The following KLHL12 variants were observed in gnomAD, a reference collection of about 807,000 sequenced individuals.
KLHL12 encodes kelch like family member 12, also known as kelch-like protein 12.
Under a neutral mutation model 60.8 loss-of-function variants are expected in KLHL12, and 17 were observed. The ratio of observed to expected loss-of-function variants is 0.28; its 90% CI spans 0.19 to 0.42. The LOEUF (loss-of-function observed/expected upper bound fraction) is 0.42, where lower values mean the gene tolerates loss of function less well. Among genes scored for constraint, KLHL12 ranks in the 10% least tolerant of loss-of-function variants. The pLI, the probability that KLHL12 is intolerant of heterozygous loss-of-function variation, is 1.00. For synonymous variants in KLHL12, 220 were observed against 250.9 expected, an observed-to-expected ratio of 0.88 and a Z score of 1.16; for missense variants, 468 against 722.3, an observed-to-expected ratio of 0.65 and a Z score of 4.04.
At chr1:202,900,807 T>C (rs1054645312) in intron 6 of KLHL12, among the ~76,000 whole-genome samples, 1 of 151,860 alleles carries the variant, frequency 6.6e-6, no homozygotes, top group African/African-American at 2.4e-5. Context: ...CAGGTTGCAG[T>C]GAGCAGAGAT....
In KLHL12 at chr1:202,909,683, T is replaced by C. The variant is rs1660297972; in HGVS notation, c.718-559A>G. On this transcript the variant is annotated intron_variant, in intron 5 of 11. Coordinates refer to ENST00000367261, the MANE Select transcript of KLHL12 (RefSeq NM_021633.4). This position sits in a 1 kb window ranked among gnomAD's most constrained non-coding sequence, Gnocchi z 4.1. ...CTCTCTGGCTCAGAAGACTGGCCTA[T>C]ATGAACTGTGTCAATAGGGCTTCCT... Among the ~76,000 whole-genome samples, 2 of 152,188 alleles carry C rather than the reference T, an allele frequency of 1.3e-5. No homozygotes were observed. Among genetic ancestry groups the C allele is most frequent in the Non-Finnish European group, 2.9e-5 (2 of 68,030 alleles).
intron 4 of KLHL12, among the ~76,000 whole-genome samples, chr1:202,913,134 A>G (rs1660415351): frequency 6.6e-6 from 1 of 152,126 alleles, no homozygotes; most frequent in East Asian, 1.9e-4. Flanking sequence ...GCACTATGCT[A>G]TTTGAGAAGA....
At chr1:202,920,000 T>C in intron 2 of KLHL12, 92 bp from the exon 3 acceptor site, 1 of 1,134,808 alleles carries the variant, frequency 8.8e-7, no homozygotes, top group Non-Finnish European at 1.3e-6. Context: ...ATGTTAATAA[T>C]ATTAATTGAA....
intron 3 of KLHL12, among the ~76,000 whole-genome samples, chr1:202,919,035 A>G (rs763518863): frequency 6.6e-6 from 1 of 152,208 alleles, no homozygotes; most frequent in Non-Finnish European, 1.5e-5. Context: ...GGATCACTCG[A>G]GCCCACGAGC....
intron 2 of KLHL12, among the ~76,000 whole-genome samples, chr1:202,924,501 C>T (rs907596200): frequency 3.9e-5 from 6 of 152,232 alleles, no homozygotes; most frequent in Admixed American, 2.0e-4. Context: ...ACCTGTAATG[C>T]CAGGTGTGGC....
At chr1:202,927,344 C>A (rs1289526468), upstream of KLHL12, 2 of 893,616 alleles carry the variant, frequency 2.2e-6, no homozygotes, top group African/African-American at 1.8e-5. Flanking sequence ...CCTGTCTGTA[C>A]CCTAGCGCGG....
chr1:202,920,368 G>GTTT (rs1660649914), intron 2 of KLHL12, among the ~76,000 whole-genome samples: 2 of 103,044 alleles, frequency 1.9e-5, no homozygotes, highest in South Asian at 2.8e-4. Context: ...TATTTTGTTG[G>GTTT]ATTTTTTTTT....
At chr1:202,900,330 G>A (rs935088232) in intron 6 of KLHL12, among the ~76,000 whole-genome samples, 17 of 150,612 alleles carry the variant, frequency 1.1e-4, no homozygotes, top group Admixed American at 6.7e-4. Flanking sequence ...GATTCCTTGC[G>A]CCCAGGGGTT....
chr1:202,905,043 T>G (rs1660140461), intron 6 of KLHL12, among the ~76,000 whole-genome samples: 1 of 152,184 alleles, frequency 6.6e-6, no homozygotes, highest in Non-Finnish European at 1.5e-5. Flanking sequence ...GAGGACATGA[T>G]GGTAAGAACA....
chr1:202,918,420 A>G, intron 3 of KLHL12, 32 bp from the exon 4 acceptor site: 1 of 1,529,258 alleles, frequency 6.5e-7, no homozygotes. Flanking sequence ...AACACTTTAG[A>G]ATAGTTGGAC....
chr1:202,904,513 CT>C (rs1660124059), intron 6 of KLHL12, among the ~76,000 whole-genome samples: 1 of 152,086 alleles, frequency 6.6e-6, no homozygotes, highest in African/African-American at 2.4e-5. Flanking sequence ...AACAATCTGA[CT>C]CGTGTAAAAA....
intron 6 of KLHL12, 87 bp downstream of exon 6, chr1:202,908,920 ACTT>A: frequency 1.2e-6 from 1 of 809,052 alleles, no homozygotes; most frequent in Non-Finnish European, 2.1e-6. Flanking sequence ...AGGTGTCTGT[ACTT>A]CTTATAGAGT....
intron 4 of KLHL12, chr1:202,911,666 G>C: frequency 2.2e-6 from 1 of 453,900 alleles, no homozygotes; most frequent in Non-Finnish European, 3.9e-6. Flanking sequence ...TGATCTCCAG[G>C]CTCACCCCTC....
At chr1:202,911,612 G>A (rs949924892) in intron 4 of KLHL12, among the ~76,000 whole-genome samples, 15 of 151,950 alleles carry the variant, frequency 9.9e-5, no homozygotes, top group African/African-American at 3.4e-4. Flanking sequence ...TGCCTTATTC[G>A]AAGTCAGCTC....
At position 202,895,400 on chromosome 1, in the gene KLHL12, T is replaced by A. The variant is rs1659801577; in HGVS notation, c.1135+122A>T. On this transcript the variant is annotated intron_variant, in intron 8 of 11. Transcript: ENST00000367261. This position sits in a 1 kb window ranked among gnomAD's most constrained non-coding sequence, Gnocchi z 4.2. Reference sequence around the variant, plus strand: ...CAGAGAGAGACCCTGTCTCAAATAATAATAACATTTGACCTTAATTTTTTC... The same window carrying A: ...CAGAGAGAGACCCTGTCTCAAATAAAAATAACATTTGACCTTAATTTTTTC... 3 of 832,762 alleles carry A rather than the reference T, an allele frequency of 3.6e-6. No homozygotes were observed. Among genetic ancestry groups the A allele is most frequent in the African/African-American group, 3.5e-5 (2 of 57,910 alleles). The allele number at this position is 832,762 out of a possible 1,614,324, so 51.6% of individuals were successfully genotyped here. A position where few individuals can be genotyped will look rare whatever the true frequency, so the allele number is the denominator to read the frequency against.
chr1:202,927,342 T>C (rs747535018), upstream of KLHL12: 1 of 888,566 alleles, frequency 1.1e-6, no homozygotes, highest in Non-Finnish European at 1.3e-6. Context: ...GACCTGTCTG[T>C]ACCCTAGCGC....
chr1:202,906,607 T>C (rs770407297), intron 6 of KLHL12, among the ~76,000 whole-genome samples: 1 of 152,082 alleles, frequency 6.6e-6, no homozygotes, highest in Non-Finnish European at 1.5e-5. Flanking sequence ...ATGAGTCAAC[T>C]GTACATGTAA....
In KLHL12 at chr1:202,893,505, T is replaced by C. The variant is rs1026968239; in HGVS notation, c.1394-80A>G. 113 of 1,237,952 alleles carry C rather than the reference T, an allele frequency of 9.1e-5. No individual in the cohort carries two copies. The highest frequency in any genetic ancestry group is 1.3e-4 in the Non-Finnish European group (111 of 869,406). The allele number at this position is 1,237,952 out of a possible 1,614,324, so 76.7% of individuals were successfully genotyped here. On this transcript the variant is annotated intron_variant, in intron 10 of 11. Transcript: ENST00000367261. The surrounding 1 kb of genome is among the most constrained non-coding windows in gnomAD (Gnocchi z 4.1). Reference sequence around the variant, plus strand: ...TATAGAAATAAACTACGGTCACTAATGACTAGCTGAGTTCTACAGTAGATG... The same window carrying C: ...TATAGAAATAAACTACGGTCACTAACGACTAGCTGAGTTCTACAGTAGATG...
chr1:202,893,874 C>T lies in KLHL12; in HGVS notation c.1393+310G>A, dbSNP rs528981267. Among the ~76,000 whole-genome samples, 1 of 152,326 alleles carries T rather than the reference C, an allele frequency of 6.6e-6. No individual in the cohort carries two copies. Among genetic ancestry groups the T allele is most frequent in the East Asian group, 1.9e-4 (1 of 5,190 alleles). ...AGCTCTTGGTGAAGGTAAGTAGCTA[C>T]TCTTTTGTCCTTATGCATTAGAGAC... On this transcript the variant is annotated intron_variant, in intron 10 of 11. Transcript: ENST00000367261. This position sits in a 1 kb window ranked among gnomAD's most constrained non-coding sequence, Gnocchi z 4.1.
Sources: gnomAD v4.1 joint callset for allele counts (sites outside exome capture counted in the v4.1 genomes callset) on GRCh38, gnomAD v4.1.1 for gene constraint, Gnocchi (gnomAD v3.1) non-coding constraint, MANE v1.5 for transcripts, NCBI Gene and HGNC (gene_info 2026-07-23, HGNC 2026-07-21) for gene names.